The following STK10 variants were observed in gnomAD, a reference collection of about 807,000 sequenced individuals.
The protein encoded by STK10 is serine/threonine kinase 10.
A neutral mutation model predicts 113.8 loss-of-function variants in STK10; 78 were observed. That is an observed-to-expected ratio of 0.69 (90% CI 0.57 to 0.83). STK10 has a LOEUF of 0.83. Ranked by LOEUF, STK10 falls within the 40% of genes least tolerant of loss-of-function variation. The pLI, the probability that STK10 is intolerant of heterozygous loss-of-function variation, is 0.00. For synonymous variants in STK10, 465 were observed against 494.7 expected (o/e 0.94, Z 0.80); for missense variants, 1,109 against 1,280.1 (o/e 0.87, Z 2.04).
intron 2 of STK10, among the ~76,000 whole-genome samples, chr5:172,148,452 CCTTG>C (rs1770133560): frequency 6.6e-6 from 1 of 152,174 alleles, no homozygotes; most frequent in Admixed American, 6.5e-5. Flanking sequence ...TGACAATCAC[CCTTG>C]CTCCTCTGCA....
rs58173076 is a variant in STK10 at position 172,081,351 on chromosome 5, CAA to C, written c.1989+973_1989+974del. ...GGGTGACAGACTGAGACTCCATCTC[CAA>C]AAAAAAAAAAAAAAAAAAAATCAGG... On this transcript the variant is annotated intron_variant, in intron 12 of 18. Coordinates refer to ENST00000176763, the MANE Select transcript of STK10 (RefSeq NM_005990.4). 5.4e-3 allele frequency among the ~76,000 whole-genome samples: 373 copies of C among 68,562 alleles called. 1 individual carries two copies. The highest frequency in any genetic ancestry group is 0.016 in the African/African-American group (293 of 18,626). 45.0% of individuals were successfully genotyped at this position (68,562 alleles called of 152,430 possible).
chr5:172,085,247 A>G (rs1768525426), intron 10 of STK10, among the ~76,000 whole-genome samples: 1 of 152,050 alleles, frequency 6.6e-6, no homozygotes, highest in Admixed American at 6.6e-5. Flanking sequence ...TCCTGTGTTA[A>G]AAAAAGAAAA....
rs796765321 is a variant in STK10 at position 172,103,758 on chromosome 5, A to T, written c.870+1898T>A. ...TTGCATTCTGGTTCTTTTCATTTTT[A>T]AAAAAATAAATACCTCAGTCCTATG... On this transcript the variant is annotated intron_variant, in intron 7 of 18. Transcript: ENST00000176763. Among the ~76,000 whole-genome samples the T allele has an allele frequency of 4.6e-5, 7 of 151,808 alleles. No individual in the cohort carries two copies. The South Asian group carries it at 8.3e-4, about 18-fold the overall frequency.
rs1436811072 is a variant in STK10, at chr5:172,133,550, T to G, written c.322-6129A>C. ...GCTGGTGTCATCAGAGCTAAGCTGG[T>G]GAGTTGTGCTTGATGGTGTGGAATG... On this transcript the variant is annotated intron_variant, in intron 2 of 18. Coordinates refer to ENST00000176763, the MANE Select transcript of STK10 (RefSeq NM_005990.4). The surrounding 1 kb of genome is among the most constrained non-coding windows in gnomAD (Gnocchi z 4.9). 6.6e-6 allele frequency among the ~76,000 whole-genome samples: 1 copy of G among 152,146 alleles called. No homozygotes were observed. The highest frequency in any genetic ancestry group is 1.5e-5 in the Non-Finnish European group (1 of 68,024).
At position 172,094,731 on chromosome 5, in the gene STK10, G is replaced by A. The variant is rs545869903; in HGVS notation, c.1006-771C>T. On this transcript the variant is annotated intron_variant, in intron 8 of 18. Coordinates refer to ENST00000176763, the MANE Select transcript of STK10 (RefSeq NM_005990.4). ...AAGTTTGAAATCTAGGTTTTTAATGGACATCTCTTAATTTTTAGGTGGCAA... is the reference window on the plus strand; with the variant it reads ...AAGTTTGAAATCTAGGTTTTTAATGAACATCTCTTAATTTTTAGGTGGCAA... Among the ~76,000 whole-genome samples, 11 of 152,208 alleles carry A rather than the reference G, an allele frequency of 7.2e-5. No individual in the cohort carries two copies. The East Asian group carries it at 2.1e-3, about 29-fold the overall frequency.
chr5:172,185,109 C>T (rs1282546982), intron 1 of STK10, among the ~76,000 whole-genome samples: 2 of 152,034 alleles, frequency 1.3e-5, no homozygotes, highest in Admixed American at 6.6e-5. Flanking sequence ...GGAAACACAA[C>T]TGAAAATGAC....
chr5:172,171,052 G>A (rs1770658325), intron 1 of STK10, among the ~76,000 whole-genome samples: 1 of 152,214 alleles, frequency 6.6e-6, no homozygotes, highest in South Asian at 2.1e-4. Flanking sequence ...GTCCATTCAT[G>A]AACTCTGTTT....
chr5:172,095,062 T>C (rs1768817489), intron 8 of STK10, among the ~76,000 whole-genome samples: 1 of 152,212 alleles, frequency 6.6e-6, no homozygotes, highest in African/African-American at 2.4e-5. Flanking sequence ...GTGGCAATGC[T>C]CTCCCACCTC....
At chr5:172,104,446 G>C (rs550633086) in intron 7 of STK10, among the ~76,000 whole-genome samples, 1 of 152,294 alleles carries the variant, frequency 6.6e-6, no homozygotes, top group Admixed American at 6.5e-5. Context: ...AGTTCAAAAA[G>C]CTTCAAGGAA....
intron 2 of STK10, among the ~76,000 whole-genome samples, chr5:172,148,654 A>G (rs892375810): frequency 6.6e-6 from 1 of 152,186 alleles, no homozygotes; most frequent in Admixed American, 6.5e-5. Context: ...GCCAAAAAAC[A>G]TTCTGCCGGA....
chr5:172,160,038 A>G (rs1770438048), intron 1 of STK10, among the ~76,000 whole-genome samples: 1 of 151,926 alleles, frequency 6.6e-6, no homozygotes, highest in African/African-American at 2.4e-5. Flanking sequence ...TAGGAAGCTG[A>G]GGCAGGAGAA....
chr5:172,070,254 AATATATATCTATATATCTATATATCT>A (rs1298374919), intron 12 of STK10, among the ~76,000 whole-genome samples: 3 of 146,936 alleles, frequency 2.0e-5, no homozygotes, highest in African/African-American at 7.7e-5. Context: ...ACCTCAAAAA[AATATATATCTATATATCTATATATCT>A]ATATATATAT....
chr5:172,060,637 AC>A (rs943423672), intron 14 of STK10, among the ~76,000 whole-genome samples: 1 of 152,178 alleles, frequency 6.6e-6, no homozygotes, highest in Non-Finnish European at 1.5e-5. Flanking sequence ...TTGATAAGCC[AC>A]CCAGTCAGTG....
At chr5:172,171,671 C>T (rs1324178588) in intron 1 of STK10, among the ~76,000 whole-genome samples, 1 of 98,204 alleles carries the variant, frequency 1.0e-5, no homozygotes, top group Non-Finnish European at 2.4e-5. Flanking sequence ...GCCAAGATCG[C>T]GTTACTGCAC....
In STK10 at chr5:172,082,266, G is replaced by C; in HGVS notation, c.1989+60C>G. ...GGTGAGGTTGAGGCCACGATCACTT[G>C]CAACCAAGAAGGCCCCTAATACTCC... On this transcript the variant is annotated intron_variant, in intron 12 of 18. Coordinates refer to ENST00000176763, the MANE Select transcript of STK10 (RefSeq NM_005990.4). The surrounding 1 kb of genome is among the most constrained non-coding windows in gnomAD (Gnocchi z 4.3). 7.0e-7 allele frequency: 1 copy of C among 1,434,620 alleles called. No individual in the cohort carries two copies. The highest frequency in any genetic ancestry group is 9.2e-7 in the Non-Finnish European group (1 of 1,090,110). The allele number at this position is 1,434,620 out of a possible 1,614,324, so 88.9% of individuals were successfully genotyped here.
intron 18 of STK10, among the ~76,000 whole-genome samples, chr5:172,047,359 G>A (rs760417326): frequency 2.0e-5 from 3 of 152,178 alleles, no homozygotes; most frequent in Non-Finnish European, 4.4e-5. Flanking sequence ...GAGGAAACGC[G>A]ATCATTCATT....
Position 172,042,581 on chromosome 5 carries a change from A to G in STK10, c.*2301T>C, listed in dbSNP as rs957758489. On this transcript the variant is annotated 3_prime_UTR_variant, in exon 19 of 19. Coordinates refer to ENST00000176763, the MANE Select transcript of STK10 (RefSeq NM_005990.4). Reference sequence around the variant, plus strand: ...ATGGAAATACTGTAAGCAAAGCCCAAAGCAGCCCTGTCTGGTGGTTCCCAA... The same window carrying G: ...ATGGAAATACTGTAAGCAAAGCCCAGAGCAGCCCTGTCTGGTGGTTCCCAA... 9 of 152,262 alleles carry G rather than the reference A, an allele frequency of 5.9e-5. 1 individual carries two copies. Among genetic ancestry groups the G allele is most frequent in the Admixed American group, 5.9e-4 (9 of 15,288 alleles). The allele number at this position is 152,262 out of a possible 1,614,324, so 9.4% of individuals were successfully genotyped here. A position where few individuals can be genotyped will look rare whatever the true frequency, so the allele number is the denominator to read the frequency against.
chr5:172,068,485 G>T (rs1454550814), intron 12 of STK10, among the ~76,000 whole-genome samples: 2 of 152,180 alleles, frequency 1.3e-5, no homozygotes, highest in African/African-American at 4.8e-5. Context: ...AGGTTGAAAA[G>T]AAGTGAGCTG....
At chr5:172,110,749 G>T (rs975094304) in intron 4 of STK10, among the ~76,000 whole-genome samples, 2 of 152,170 alleles carry the variant, frequency 1.3e-5, no homozygotes, top group African/African-American at 2.4e-5. Flanking sequence ...TGACACGGGG[G>T]TGATAGCACA....
Sources: gnomAD v4.1 joint callset for allele counts (sites outside exome capture counted in the v4.1 genomes callset) on GRCh38, gnomAD v4.1.1 for gene constraint, Gnocchi (gnomAD v3.1) non-coding constraint, MANE v1.5 for transcripts, NCBI Gene and HGNC (gene_info 2026-07-23, HGNC 2026-07-21) for gene names.